The following UBASH3A variants were observed in gnomAD, a reference collection of about 807,000 sequenced individuals.
UBASH3A encodes ubiquitin associated and SH3 domain containing A, also known as ubiquitin-associated and SH3 domain-containing protein A.
Under a neutral mutation model 73.5 loss-of-function variants are expected in UBASH3A, and 63 were observed. That is an observed-to-expected ratio of 0.86 (90% confidence interval 0.70 to 1.06). The LOEUF is 1.06. UBASH3A is among the 50% of genes least tolerant of loss of function. UBASH3A has a pLI of 0.00. For missense variants in UBASH3A, 860 were observed against 859.0 expected (o/e 1.00, Z -0.02); for synonymous variants, 363 against 351.1 (o/e 1.03, Z -0.38).
intron 10 of UBASH3A, among the ~76,000 whole-genome samples, chr21:42,436,820 G>A (rs532397007): frequency 2.5e-4 from 38 of 149,318 alleles, no homozygotes; most frequent in South Asian, 1.7e-3. Context: ...ACGAGCTTCA[G>A]TGGGTCTTGA....
At chr21:42,406,969 G>A (rs949958287) in intron 2 of UBASH3A, among the ~76,000 whole-genome samples, 4 of 152,092 alleles carry the variant, frequency 2.6e-5, no homozygotes, top group African/African-American at 9.7e-5. Context: ...CCATGCTCTC[G>A]GGCTGCCTCT....
chr21:42,405,015 T>G (rs891232471), intron 1 of UBASH3A, among the ~76,000 whole-genome samples: 1 of 152,204 alleles, frequency 6.6e-6, no homozygotes, highest in Non-Finnish European at 1.5e-5. Context: ...CATTCATTTT[T>G]TCACATGGAA....
At chr21:42,426,414 A>G (rs2053436131) in intron 7 of UBASH3A, among the ~76,000 whole-genome samples, 1 of 152,230 alleles carries the variant, frequency 6.6e-6, no homozygotes, top group African/African-American at 2.4e-5. Flanking sequence ...TCACAGTGAC[A>G]TCTAAAATAA....
At chr21:42,443,558 AG>A (rs1752307433) in intron 13 of UBASH3A, 140 bp downstream of exon 13, 2 of 688,928 alleles carry the variant, frequency 2.9e-6, no homozygotes, top group Admixed American at 3.0e-5. Flanking sequence ...CCAGCAACAA[AG>A]TTTTCATCAC....
chr21:42,436,582 G>A (rs1034020935), intron 10 of UBASH3A, among the ~76,000 whole-genome samples: 2 of 152,190 alleles, frequency 1.3e-5, no homozygotes, highest in African/African-American at 4.8e-5. Flanking sequence ...TTATCACTCT[G>A]TAAAAATCCT....
chr21:42,433,568 T>C lies in UBASH3A; in HGVS notation c.1271-1264T>C, dbSNP rs2146577133. Among the ~76,000 whole-genome samples, 5 of 152,272 alleles carry C rather than the reference T, an allele frequency of 3.3e-5. No individual in the cohort carries two copies. The South Asian group carries it at 1.0e-3, about 32-fold the overall frequency. On this transcript the variant is annotated intron_variant, in intron 9 of 14. Coordinates refer to ENST00000319294, the MANE Select transcript of UBASH3A (RefSeq NM_018961.4). ...TGTCAATGACAGCAAAATACCTAAA[T>C]GGAGTGTCTTGACATTTTAGAGGGG...
Position 42,413,545 on chromosome 21 carries a change from G to A in UBASH3A, c.667+22G>A, listed in dbSNP as rs537775466. The A allele has an allele frequency of 5.8e-6, 9 of 1,559,594 alleles. No homozygotes were observed. The highest frequency in any genetic ancestry group is 3.4e-5 in the Admixed American group (2 of 58,650). ...AAATGTAAGCCATTAGAAAGCTTCC[G>A]GACCAGCTTTGGTCTTCTCTTTAGG... On this transcript the variant is annotated intron_variant, in intron 5 of 14. Coordinates refer to ENST00000319294, the MANE Select transcript of UBASH3A (RefSeq NM_018961.4). The surrounding 1 kb of genome is among the most constrained non-coding windows in gnomAD (Gnocchi z 4.5).
chr21:42,417,983 A>G (rs1360881637), intron 6 of UBASH3A, among the ~76,000 whole-genome samples: 2 of 146,382 alleles, frequency 1.4e-5, no homozygotes, highest in Non-Finnish European at 3.0e-5. Flanking sequence ...CCCAGGTTCA[A>G]GTGATTCTCC....
intron 10 of UBASH3A, chr21:42,435,161 C>G: frequency 2.1e-6 from 1 of 472,226 alleles, no homozygotes; most frequent in Non-Finnish European, 3.7e-6. Context: ...GAGGTTTGAT[C>G]TAGGAATGGA....
At chr21:42,438,693 G>T (rs1282968119) in intron 11 of UBASH3A, among the ~76,000 whole-genome samples, 1 of 152,168 alleles carries the variant, frequency 6.6e-6, no homozygotes, top group Non-Finnish European at 1.5e-5. Flanking sequence ...GAGCACGGGG[G>T]AGGTGAGTGC....
At chr21:42,434,771 TG>T in intron 9 of UBASH3A, 60 bp from the exon 10 acceptor site, 1 of 1,551,126 alleles carries the variant, frequency 6.4e-7, no homozygotes, top group Non-Finnish European at 8.7e-7. Context: ...TTGGGAGTTT[TG>T]TGGAACAAAT....
At position 42,439,558 on chromosome 21, in the gene UBASH3A, G is replaced by A. The variant is rs114965882; in HGVS notation, c.1486+1978G>A. ...CCAAAGGCCTGACGGCAGTGTAGCC[G>A]GAGGCCAGAGGCAGCTCCACCCGAG... On this transcript the variant is annotated intron_variant, in intron 11 of 14. Coordinates refer to ENST00000319294, the MANE Select transcript of UBASH3A (RefSeq NM_018961.4). Among the ~76,000 whole-genome samples the A allele has an allele frequency of 4.0e-3, 615 of 152,172 alleles. 6 individuals carry two copies. Among genetic ancestry groups the A allele is most frequent in the Non-Finnish European group, 3.9e-3 (263 of 67,992 alleles).
chr21:42,446,656 T>C (rs2053848881), intron 14 of UBASH3A, among the ~76,000 whole-genome samples: 1 of 152,244 alleles, frequency 6.6e-6, no homozygotes, highest in South Asian at 2.1e-4. Flanking sequence ...TCAATGTCTG[T>C]GTCTTTTTGT....
chr21:42,407,049 C>T (rs930603542), intron 2 of UBASH3A, among the ~76,000 whole-genome samples: 16 of 151,992 alleles, frequency 1.1e-4, no homozygotes, highest in African/African-American at 3.9e-4. Flanking sequence ...GTGTGTGGGT[C>T]GGGTGAGGGC....
At chr21:42,422,529 G>T (rs983906727) in intron 7 of UBASH3A, among the ~76,000 whole-genome samples, 1 of 152,132 alleles carries the variant, frequency 6.6e-6, no homozygotes, top group Non-Finnish European at 1.5e-5. Context: ...AGAGGAAGCC[G>T]GATTCCAGTC....
intron 14 of UBASH3A, 41 bp from the exon 15 acceptor site, chr21:42,447,016 T>A (rs1254640695): frequency 6.3e-7 from 1 of 1,593,470 alleles, no homozygotes; most frequent in South Asian, 1.1e-5. Flanking sequence ...TTGATGGACT[T>A]GCTATAAGAT....
intron 13 of UBASH3A, 61 bp from the exon 14 acceptor site, chr21:42,444,473 A>C: frequency 7.8e-7 from 1 of 1,288,684 alleles, no homozygotes; most frequent in Non-Finnish European, 1.1e-6. Flanking sequence ...TGGGGACCCC[A>C]GTCTAATAAA....
intron 6 of UBASH3A, 33 bp downstream of exon 6, chr21:42,416,644 A>G (rs1252633323): frequency 2.0e-6 from 3 of 1,481,172 alleles, no homozygotes; most frequent in Non-Finnish European, 2.7e-6. Flanking sequence ...CATAAGAAGC[A>G]GATGAATGGG....
chr21:42,432,907 A>C (rs1022900250), intron 9 of UBASH3A, among the ~76,000 whole-genome samples: 2 of 152,244 alleles, frequency 1.3e-5, no homozygotes, highest in African/African-American at 4.8e-5. Flanking sequence ...AAGATACAAG[A>C]GCTTAAAGCA....
Sources: allele counts gnomAD v4.1 joint callset (sites outside exome capture counted in the v4.1 genomes callset), GRCh38; gene constraint gnomAD v4.1.1; non-coding constraint Gnocchi (gnomAD v3.1); transcripts MANE v1.5; gene names NCBI Gene and HGNC (gene_info 2026-07-23, HGNC 2026-07-21).